Variants in PTK2 observed in about 807,000 individuals in gnomAD.
PTK2 encodes the protein focal adhesion kinase 1.
In PTK2, 45 loss-of-function variants were observed where a neutral mutation model predicts 150.1. The ratio of observed to expected loss-of-function variants is 0.30; its 90% confidence interval spans 0.24 to 0.38. The LOEUF is 0.38. Among genes scored for constraint, PTK2 ranks in the 10% least tolerant of loss-of-function variants. The pLI is 1.00. For missense variants in PTK2, 919 were observed against 1,307.3 expected, an observed-to-expected ratio of 0.70 and a Z score of 4.58; for synonymous variants, 432 against 449.2, an observed-to-expected ratio of 0.96 and a Z score of 0.48.
intron 10 of PTK2, among the ~76,000 whole-genome samples, chr8:140,809,049 A>G (rs1223276973): frequency 6.6e-6 from 1 of 152,124 alleles, no homozygotes; most frequent in East Asian, 1.9e-4. Context: ...AAAACTTCAA[A>G]TGAGTATACA....
chr8:140,774,234 TTGTA>T (rs1362736051), intron 14 of PTK2, among the ~76,000 whole-genome samples: 2 of 152,168 alleles, frequency 1.3e-5, no homozygotes, highest in Non-Finnish European at 2.9e-5. Flanking sequence ...AACTTGAACT[TTGTA>T]TGTGTGGCAA....
At chr8:140,991,723 G>A (rs1016468544) in intron 1 of PTK2, among the ~76,000 whole-genome samples, 47 of 152,128 alleles carry the variant, frequency 3.1e-4, no homozygotes, top group African/African-American at 1.1e-3. Context: ...TAAAAACCTT[G>A]CGAGGCCAGG....
intron 14 of PTK2, among the ~76,000 whole-genome samples, chr8:140,776,782 AT>A (rs2100078708): frequency 6.6e-6 from 1 of 152,214 alleles, no homozygotes; most frequent in Non-Finnish European, 1.5e-5. Flanking sequence ...AAAAACTAAG[AT>A]AACAATCTGA....
chr8:140,666,384 A>G (rs542838158), intron 30 of PTK2, among the ~76,000 whole-genome samples: 2 of 152,244 alleles, frequency 1.3e-5, no homozygotes, highest in East Asian at 3.9e-4. Flanking sequence ...CAACAATTGT[A>G]GGATTCTATA....
chr8:140,859,986 T>C (rs1415673797), intron 5 of PTK2, among the ~76,000 whole-genome samples: 1 of 152,204 alleles, frequency 6.6e-6, no homozygotes, highest in African/African-American at 2.4e-5. Context: ...CAATAAAAAC[T>C]CATAGTATAT....
intron 7 of PTK2, among the ~76,000 whole-genome samples, chr8:140,845,336 C>G (rs904897748): frequency 6.6e-6 from 1 of 152,070 alleles, no homozygotes; most frequent in African/African-American, 2.4e-5. Flanking sequence ...GAATGGTATT[C>G]TATCTACCCC....
intron 7 of PTK2, among the ~76,000 whole-genome samples, chr8:140,837,662 G>A (rs1241600574): frequency 6.6e-6 from 1 of 152,128 alleles, no homozygotes; most frequent in Non-Finnish European, 1.5e-5. Context: ...CTGGGAGGTG[G>A]AGGTTACACT....
At chr8:140,846,216 A>G (rs748674617) in intron 7 of PTK2, 44 bp downstream of exon 7, 6 of 1,441,436 alleles carry the variant, frequency 4.2e-6, no homozygotes, top group Non-Finnish European at 5.7e-6. Flanking sequence ...CTAAGAATTT[A>G]GTTCTGCATA....
At chr8:140,765,981 T>C (rs1475750036) in intron 14 of PTK2, among the ~76,000 whole-genome samples, 1 of 152,164 alleles carries the variant, frequency 6.6e-6, no homozygotes, top group Non-Finnish European at 1.5e-5. Context: ...AAGCTGTCTT[T>C]CCACACAACA....
At chr8:140,690,751 C>T (rs1287803837) in intron 26 of PTK2, among the ~76,000 whole-genome samples, 3 of 152,122 alleles carry the variant, frequency 2.0e-5, no homozygotes, top group African/African-American at 7.2e-5. Flanking sequence ...ATTCTACAGC[C>T]TTCACATAAC....
At chr8:140,679,050 A>G (rs1342977710) in intron 27 of PTK2, among the ~76,000 whole-genome samples, 4 of 83,208 alleles carry the variant, frequency 4.8e-5, no homozygotes, top group Admixed American at 1.9e-4. Flanking sequence ...TTTGAGACGG[A>G]CTCTTGCTCT....
intron 1 of PTK2, among the ~76,000 whole-genome samples, chr8:140,937,167 T>A (rs1428792982): frequency 6.6e-6 from 1 of 152,198 alleles, no homozygotes; most frequent in Non-Finnish European, 1.5e-5. Flanking sequence ...TACACCTAAT[T>A]TGCACATTTT....
chr8:140,727,086 G>T (rs1032447875), intron 22 of PTK2, among the ~76,000 whole-genome samples: 9 of 152,108 alleles, frequency 5.9e-5, no homozygotes, highest in Admixed American at 3.3e-4. Flanking sequence ...AATACAAAAG[G>T]TATTGCTAAA....
At chr8:140,910,482 T>C (rs1235617564) in intron 2 of PTK2, among the ~76,000 whole-genome samples, 1 of 152,192 alleles carries the variant, frequency 6.6e-6, no homozygotes, top group Non-Finnish European at 1.5e-5. Context: ...ACTTAATCTG[T>C]AGGGTCTCAT....
At chr8:140,663,955 T>C (rs973942298) in intron 31 of PTK2, among the ~76,000 whole-genome samples, 1 of 152,202 alleles carries the variant, frequency 6.6e-6, no homozygotes, top group Non-Finnish European at 1.5e-5. Flanking sequence ...CACTCAGCCC[T>C]TAAGAAGCTT....
At chr8:140,789,806 G>C (rs1474232464) in intron 13 of PTK2, among the ~76,000 whole-genome samples, 1 of 151,874 alleles carries the variant, frequency 6.6e-6, no homozygotes, top group Non-Finnish European at 1.5e-5. Context: ...GTATGAATGG[G>C]TTAAATAAAA....
chr8:140,986,923 A>C (rs2100193467), intron 1 of PTK2, among the ~76,000 whole-genome samples: 1 of 152,202 alleles, frequency 6.6e-6, no homozygotes, highest in Non-Finnish European at 1.5e-5. Flanking sequence ...TAGGAGAAAA[A>C]AATCAGAAAA....
chr8:140,967,106 T>C (rs980116845), intron 1 of PTK2, among the ~76,000 whole-genome samples: 5 of 152,330 alleles, frequency 3.3e-5, no homozygotes, highest in East Asian at 1.9e-4. Flanking sequence ...CCACTTTACA[T>C]ACAAGGAAAC....
chr8:140,707,526 C>T (rs1245934539), intron 23 of PTK2, among the ~76,000 whole-genome samples: 3 of 146,398 alleles, frequency 2.0e-5, no homozygotes, highest in African/African-American at 7.7e-5. Context: ...GTGCCTCAGC[C>T]TCTCAAGTAG....
Sources: allele counts gnomAD v4.1 joint callset (sites outside exome capture counted in the v4.1 genomes callset), GRCh38; gene constraint gnomAD v4.1.1; transcripts MANE v1.5; gene names NCBI Gene and HGNC (gene_info 2026-07-23, HGNC 2026-07-21).